Variants in ASIC2 observed in about 807,000 individuals in gnomAD.
ASIC2 encodes acid-sensing ion channel 2.
A neutral mutation model predicts 57.3 loss-of-function variants in ASIC2; 25 were observed. That is an observed-to-expected ratio of 0.44 (90% CI 0.32 to 0.61). The LOEUF (loss-of-function observed/expected upper bound fraction) is 0.61. ASIC2 is among the 20% of genes least tolerant of loss of function. ASIC2 has a pLI of 0.06. For missense variants in ASIC2, 641 were observed against 738.1 expected, an observed-to-expected ratio of 0.87 and a Z score of 1.52; for synonymous variants, 319 against 307.5, an observed-to-expected ratio of 1.04 and a Z score of -0.39.
chr17:33,713,005 A>G (rs1217598685), intron 1 of ASIC2, among the ~76,000 whole-genome samples: 2 of 152,148 alleles, frequency 1.3e-5, no homozygotes, highest in East Asian at 1.9e-4. Context: ...GTTCCTTGCC[A>G]TAGTATGATA....
chr17:33,394,600 G>A (rs907950097), intron 1 of ASIC2, among the ~76,000 whole-genome samples: 15 of 152,202 alleles, frequency 9.9e-5, no homozygotes, highest in African/African-American at 3.6e-4. Context: ...GCAGAGCTGA[G>A]GGGACATGAT....
chr17:33,838,683 G>T (rs532135944), intron 1 of ASIC2, among the ~76,000 whole-genome samples: 1 of 152,102 alleles, frequency 6.6e-6, no homozygotes, highest in African/African-American at 2.4e-5. Context: ...TAACTGGAGT[G>T]CTAGCAGCAT....
chr17:33,356,912 C>A (rs1004109608), intron 1 of ASIC2, among the ~76,000 whole-genome samples: 28 of 103,666 alleles, frequency 2.7e-4, no homozygotes, highest in Non-Finnish European at 4.5e-4. Context: ...TCCAGAACGT[C>A]CCAACCTCTG....
chr17:33,985,409 G>A (rs77845197), intron 1 of ASIC2, among the ~76,000 whole-genome samples: 5,886 of 152,248 alleles, frequency 0.039, 160 homozygotes, highest in Middle Eastern at 0.068. Context: ...AGTGTCCAGG[G>A]TGGGCCTGAC....
At chr17:33,728,107 C>T (rs1357991368) in intron 1 of ASIC2, among the ~76,000 whole-genome samples, 2 of 152,146 alleles carry the variant, frequency 1.3e-5, no homozygotes, top group African/African-American at 4.8e-5. Flanking sequence ...CACCTCAAGT[C>T]CCTCCTGCAG....
At chr17:34,040,017 G>C in intron 1 of ASIC2, 6 of 517,418 alleles carry the variant, frequency 1.2e-5, no homozygotes, top group Non-Finnish European at 1.8e-5. Flanking sequence ...CCCCCCGCCC[G>C]GGCAGCCACC....
chr17:33,622,746 G>A (rs1905840640), intron 1 of ASIC2, among the ~76,000 whole-genome samples: 3 of 152,336 alleles, frequency 2.0e-5, no homozygotes, highest in Admixed American at 1.3e-4. Context: ...AATAGCGTAT[G>A]TTCAATAAAA....
At chr17:33,692,280 A>G (rs2142064340) in intron 1 of ASIC2, 1 of 152,204 alleles carries the variant, frequency 6.6e-6, no homozygotes. Context: ...AGGAACTACA[A>G]TCACAGTATT....
chr17:34,147,901 T>G (rs1485569387), intron 1 of ASIC2, among the ~76,000 whole-genome samples: 1 of 152,218 alleles, frequency 6.6e-6, no homozygotes, highest in African/African-American at 2.4e-5. Context: ...CCACCTCTAA[T>G]GGCAAACTTA....
chr17:33,841,799 A>G (rs970206756), intron 1 of ASIC2, among the ~76,000 whole-genome samples: 2 of 152,176 alleles, frequency 1.3e-5, no homozygotes, highest in Non-Finnish European at 2.9e-5. Flanking sequence ...ATCAACCTCA[A>G]TAGGGAAGGC....
chr17:33,951,322 C>G (rs1904555248), intron 1 of ASIC2, among the ~76,000 whole-genome samples: 3 of 152,062 alleles, frequency 2.0e-5, no homozygotes, highest in African/African-American at 7.2e-5. Flanking sequence ...GGATAAATAT[C>G]TTGCTTAAGA....
At chr17:33,252,984 T>C (rs927978749) in intron 1 of ASIC2, among the ~76,000 whole-genome samples, 2 of 152,196 alleles carry the variant, frequency 1.3e-5, no homozygotes, top group Non-Finnish European at 2.9e-5. Flanking sequence ...AATGTTTTAA[T>C]ACATGAGCTT....
intron 1 of ASIC2, among the ~76,000 whole-genome samples, chr17:34,085,575 C>T (rs532309026): frequency 1.3e-5 from 2 of 152,180 alleles, no homozygotes; most frequent in African/African-American, 2.4e-5. Context: ...GGAGAATTCC[C>T]TCTTTTTCTA....
chr17:33,361,175 C>T (rs1434660038), intron 1 of ASIC2, among the ~76,000 whole-genome samples: 2 of 152,110 alleles, frequency 1.3e-5, no homozygotes, highest in Admixed American at 6.5e-5. Context: ...AATGAAATGT[C>T]TAAGGAGGAA....
intron 1 of ASIC2, among the ~76,000 whole-genome samples, chr17:33,898,461 C>T (rs1915158164): frequency 6.6e-6 from 1 of 151,888 alleles, no homozygotes; most frequent in Admixed American, 6.6e-5. Flanking sequence ...TGGTCTTGAT[C>T]TCCTGATCTT....
intron 1 of ASIC2, among the ~76,000 whole-genome samples, chr17:33,319,868 T>A (rs942489083): frequency 5.9e-5 from 9 of 152,226 alleles, no homozygotes; most frequent in African/African-American, 2.2e-4. Flanking sequence ...AGTAAATTAT[T>A]GTTGACTATA....
chr17:33,639,134 G>A (rs566419000), intron 1 of ASIC2, among the ~76,000 whole-genome samples: 37 of 151,916 alleles, frequency 2.4e-4, no homozygotes, highest in African/African-American at 8.4e-4. Context: ...GCAGACCAAG[G>A]CCAAACTGGT....
In ASIC2 at chr17:33,292,267, G is replaced by T. The variant is rs1905515189; in HGVS notation, c.-152C>A. The T allele has an allele frequency of 1.0e-6, 1 of 991,202 alleles. No homozygotes were observed. Among genetic ancestry groups the T allele is most frequent in the Admixed American group, 6.1e-5 (1 of 16,362 alleles). The allele number at this position is 991,202 out of a possible 1,614,324, so 61.4% of individuals were successfully genotyped here. On this transcript the variant is annotated 5_prime_UTR_variant, in exon 1 of 10. Coordinates refer to ENST00000225823, the MANE Select transcript of ASIC2 (RefSeq NM_183377.2). Reference sequence around the variant, plus strand: ...GCCCGAAAGGAGCTCCGGTGGCGCGGCATGCCCGCCCGGCGCCGCCGCTGC... The same window carrying T: ...GCCCGAAAGGAGCTCCGGTGGCGCGTCATGCCCGCCCGGCGCCGCCGCTGC...
chr17:33,308,461 T>A (rs1304582719), intron 1 of ASIC2, among the ~76,000 whole-genome samples: 1 of 152,204 alleles, frequency 6.6e-6, no homozygotes, highest in Non-Finnish European at 1.5e-5. Flanking sequence ...CATGGTGGAA[T>A]CAATGAATCA....
Sources: gnomAD v4.1 joint callset for allele counts (sites outside exome capture counted in the v4.1 genomes callset) on GRCh38, gnomAD v4.1.1 for gene constraint, MANE v1.5 for transcripts, NCBI Gene and HGNC (gene_info 2026-07-23, HGNC 2026-07-21) for gene names.